SORCS2: variants seen among roughly 807,000 people sequenced by gnomAD.
The protein encoded by SORCS2 is sortilin related VPS10 domain containing receptor 2, also known as VPS10 domain-containing receptor SorCS2.
In SORCS2, 100 loss-of-function variants were observed where a neutral mutation model predicts 141.6. That is an observed-to-expected ratio of 0.71 (90% CI 0.60 to 0.83). The LOEUF is 0.83. SORCS2 is among the 40% of genes least tolerant of loss of function. The pLI, the probability that SORCS2 is intolerant of heterozygous loss-of-function variation, is 0.00. For synonymous variants in SORCS2, 789 were observed against 676.9 expected, an observed-to-expected ratio of 1.17 and a Z score of -2.57; for missense variants, 1,646 against 1,560.2, an observed-to-expected ratio of 1.05 and a Z score of -0.93.
At chr4:7,587,942 A>G (rs1418512111) in intron 3 of SORCS2, among the ~76,000 whole-genome samples, 2 of 152,168 alleles carry the variant, frequency 1.3e-5, no homozygotes, top group Non-Finnish European at 2.9e-5. Context: ...AACGGAATGC[A>G]TTTTTTCAGG....
intron 18 of SORCS2, among the ~76,000 whole-genome samples, chr4:7,721,173 C>G (rs995622940): frequency 2.6e-5 from 4 of 152,192 alleles, no homozygotes; most frequent in Non-Finnish European, 4.4e-5. Context: ...ATTATTAATA[C>G]CTGCAGCAGG....
At chr4:7,696,812 G>A (rs1193802625) in intron 11 of SORCS2, among the ~76,000 whole-genome samples, 6 of 152,288 alleles carry the variant, frequency 3.9e-5, no homozygotes, top group East Asian at 1.9e-4. Flanking sequence ...ACACAAACTC[G>A]GCCATGTCCT....
In SORCS2 at chr4:7,428,912, G is replaced by T. The variant is rs931297985; in HGVS notation, c.548+32557G>T. ...GCAGGGGAGCCCAGACCCCAGGAAG[G>T]CACCTCTTCACCAGTCTGAGTGAGC... On this transcript the variant is annotated intron_variant, in intron 2 of 26. Coordinates refer to ENST00000507866, the MANE Select transcript of SORCS2 (RefSeq NM_020777.3). 2.6e-5 allele frequency among the ~76,000 whole-genome samples: 4 copies of T among 152,262 alleles called. No individual in the cohort carries two copies. The East Asian group carries it at 5.8e-4, about 22-fold the overall frequency.
intron 2 of SORCS2, among the ~76,000 whole-genome samples, chr4:7,527,219 T>C (rs1250386230): frequency 6.6e-6 from 1 of 152,222 alleles, no homozygotes; most frequent in Admixed American, 6.5e-5. Flanking sequence ...CCACTTGTGG[T>C]CGGCAGAGCA....
chr4:7,508,814 C>T (rs1732432512), intron 2 of SORCS2, among the ~76,000 whole-genome samples: 1 of 152,094 alleles, frequency 6.6e-6, no homozygotes, highest in African/African-American at 2.4e-5. Context: ...TGAAATTAAA[C>T]TCAATATTGA....
intron 4 of SORCS2, among the ~76,000 whole-genome samples, chr4:7,647,242 G>A (rs1179678142): frequency 1.3e-5 from 2 of 152,206 alleles, no homozygotes; most frequent in East Asian, 1.9e-4. Flanking sequence ...GAGCAAGACA[G>A]ACTCTCAACC....
chr4:7,382,187 T>C (rs920218958), intron 1 of SORCS2, among the ~76,000 whole-genome samples: 4 of 152,090 alleles, frequency 2.6e-5, no homozygotes, highest in African/African-American at 9.7e-5. Flanking sequence ...GCAAAGCTGA[T>C]GGTGCCTGGA....
intron 2 of SORCS2, among the ~76,000 whole-genome samples, chr4:7,439,101 G>T (rs1175584070): frequency 6.6e-6 from 1 of 152,094 alleles, no homozygotes; most frequent in Admixed American, 6.5e-5. Flanking sequence ...CTCCTGTGCT[G>T]TCGTGCCTTT....
intron 3 of SORCS2, among the ~76,000 whole-genome samples, chr4:7,637,907 C>A (rs1345600137): frequency 6.6e-6 from 1 of 151,296 alleles, no homozygotes; most frequent in African/African-American, 2.4e-5. Context: ...TGAGAGTGGA[C>A]CCACCATTTC....
chr4:7,272,996 G>T (rs1715246683), intron 1 of SORCS2, among the ~76,000 whole-genome samples: 1 of 152,246 alleles, frequency 6.6e-6, no homozygotes, highest in Admixed American at 6.5e-5. Context: ...TTGCCACATG[G>T]AACAGAGCTA....
At position 7,215,220 on chromosome 4, in the gene SORCS2, C is replaced by T. The variant is rs143722100; in HGVS notation, c.480+22094C>T. Among the ~76,000 whole-genome samples the T allele has an allele frequency of 4.7e-3, 717 of 152,298 alleles. 7 individuals carry two copies. Among genetic ancestry groups the T allele is most frequent in the African/African-American group, 0.017 (694 of 41,570 alleles). On this transcript the variant is annotated intron_variant, in intron 1 of 26. Transcript: ENST00000507866. ...CGTGGGCTTGGAGGGCCCTGCATTCCGAGCAGCAGGCCGGCCCTGCTGGCC... is the reference window on the plus strand; with the variant it reads ...CGTGGGCTTGGAGGGCCCTGCATTCTGAGCAGCAGGCCGGCCCTGCTGGCC...
rs56866056 is a variant in SORCS2, at chr4:7,496,453, TCCCCGTC to T, written c.549-35058_549-35052del. On this transcript the variant is annotated intron_variant, in intron 2 of 26. Transcript: ENST00000507866. ...CCCCCCCCCCCCACTCCCCACCCGT[TCCCCGTC>T]CCCCGTCCCCCGTCCCCCATCCCCC... Among the ~76,000 whole-genome samples the T allele has an allele frequency of 5.5e-3, 318 of 58,288 alleles. 2 individuals are homozygous for T. The highest frequency in any genetic ancestry group is 0.026 in the East Asian group (47 of 1,782). The allele number at this position is 58,288 out of a possible 152,430, so 38.2% of individuals were successfully genotyped here.
At chr4:7,442,729 C>T (rs1014888977) in intron 2 of SORCS2, among the ~76,000 whole-genome samples, 6 of 150,700 alleles carry the variant, frequency 4.0e-5, no homozygotes, top group African/African-American at 1.5e-4. Context: ...GCAGCACCCC[C>T]AGCCCAGCCC....
At chr4:7,371,480 T>C (rs1356704341) in intron 1 of SORCS2, among the ~76,000 whole-genome samples, 2 of 152,160 alleles carry the variant, frequency 1.3e-5, no homozygotes, top group Admixed American at 1.3e-4. Flanking sequence ...CTTCCACATT[T>C]CGTTGTGTTG....
chr4:7,469,803 T>A (rs1729859115), intron 2 of SORCS2, among the ~76,000 whole-genome samples: 1 of 152,202 alleles, frequency 6.6e-6, no homozygotes, highest in Non-Finnish European at 1.5e-5. Flanking sequence ...TTCCTTCTCA[T>A]TGCAGGGCTG....
chr4:7,428,821 C>T (rs1210329145), intron 2 of SORCS2, among the ~76,000 whole-genome samples: 1 of 152,106 alleles, frequency 6.6e-6, no homozygotes, highest in Non-Finnish European at 1.5e-5. Context: ...AGGTTGTGAG[C>T]TGGCCCGGAC....
intron 20 of SORCS2, among the ~76,000 whole-genome samples, chr4:7,726,269 TG>T (rs931605127): frequency 6.6e-6 from 1 of 152,064 alleles, no homozygotes; most frequent in Non-Finnish European, 1.5e-5. Context: ...TAAATGCCCG[TG>T]GGGGGCAGGC....
chr4:7,619,238 C>A (rs1236024323), intron 3 of SORCS2, among the ~76,000 whole-genome samples: 2 of 152,186 alleles, frequency 1.3e-5, no homozygotes, highest in African/African-American at 4.8e-5. Flanking sequence ...AAGCCAGTGG[C>A]AGCGAATGAT....
intron 3 of SORCS2, among the ~76,000 whole-genome samples, chr4:7,563,789 G>T (rs576005602): frequency 6.6e-6 from 1 of 152,168 alleles, no homozygotes; most frequent in African/African-American, 2.4e-5. Context: ...TCATGTGCAC[G>T]TACTGTTCTA....
Sources: gnomAD v4.1 joint callset for allele counts (sites outside exome capture counted in the v4.1 genomes callset) on GRCh38, gnomAD v4.1.1 for gene constraint, MANE v1.5 for transcripts, NCBI Gene and HGNC (gene_info 2026-07-23, HGNC 2026-07-21) for gene names.